The following ILRUN variants were observed in gnomAD, a reference collection of about 807,000 sequenced individuals.
The protein encoded by ILRUN is protein ILRUN.
In ILRUN, 3 loss-of-function variants were observed where a neutral mutation model predicts 33.8. The observed-to-expected ratio is 0.09, with a 90% CI of 0.04 to 0.23. The LOEUF is 0.23. Ranked by LOEUF, ILRUN falls within the 10% of genes least tolerant of loss-of-function variation. The pLI is 1.00. For missense variants in ILRUN, 210 were observed against 375.1 expected (o/e 0.56, Z 3.64); for synonymous variants, 124 against 138.9 (o/e 0.89, Z 0.75).
chr6:34,637,119 A>C (rs2127352910), intron 3 of ILRUN, among the ~76,000 whole-genome samples: 1 of 152,260 alleles, frequency 6.6e-6, no homozygotes, highest in Middle Eastern at 3.4e-3. Context: ...AATTACTGTC[A>C]CTTCAGAACT....
intron 1 of ILRUN, among the ~76,000 whole-genome samples, chr6:34,686,073 A>G (rs1393130806): frequency 6.6e-6 from 1 of 152,216 alleles, no homozygotes; most frequent in African/African-American, 2.4e-5. Flanking sequence ...AAAAGAATTG[A>G]TATGGACCTC....
intron 3 of ILRUN, chr6:34,617,174 A>C (rs2744968): frequency 0.23 from 111,957 of 495,398 alleles, 13,212 homozygotes; most frequent in East Asian, 0.31. Context: ...AGTGGAATGA[A>C]GAAAAAACTA....
intron 3 of ILRUN, among the ~76,000 whole-genome samples, chr6:34,611,950 A>G (rs777595681): frequency 2.6e-5 from 4 of 152,186 alleles, no homozygotes; most frequent in Non-Finnish European, 4.4e-5. Context: ...ATCTTTACCC[A>G]CAGGTCTTTG....
At chr6:34,626,568 A>C (rs1197053410) in intron 3 of ILRUN, among the ~76,000 whole-genome samples, 2 of 152,218 alleles carry the variant, frequency 1.3e-5, no homozygotes, top group East Asian at 3.8e-4. Context: ...AACATACTGC[A>C]CCACAGTGGT....
chr6:34,634,213 AG>A (rs1161554481), intron 3 of ILRUN, among the ~76,000 whole-genome samples: 2 of 152,354 alleles, frequency 1.3e-5, no homozygotes, highest in East Asian at 3.9e-4. Context: ...TAGGTCAAAC[AG>A]GAAGTCTCAA....
At chr6:34,662,443 G>A (rs985815719) in intron 1 of ILRUN, among the ~76,000 whole-genome samples, 2 of 152,152 alleles carry the variant, frequency 1.3e-5, no homozygotes, top group Non-Finnish European at 2.9e-5. Flanking sequence ...AAGAATATGC[G>A]TGTTCAGAGC....
At chr6:34,695,320 C>T (rs1763740693) in intron 1 of ILRUN, among the ~76,000 whole-genome samples, 1 of 152,206 alleles carries the variant, frequency 6.6e-6, no homozygotes, top group African/African-American at 2.4e-5. Context: ...AACCTTTTGC[C>T]TTTTGCCCAA....
At chr6:34,590,666 T>G in intron 4 of ILRUN, 66 bp from the exon 5 acceptor site, 1 of 1,163,210 alleles carries the variant, frequency 8.6e-7, no homozygotes, top group Non-Finnish European at 1.3e-6. Context: ...CCAAACCAAG[T>G]GCAAGATCTA....
chr6:34,665,352 T>C (rs1167375689), intron 1 of ILRUN, among the ~76,000 whole-genome samples: 2 of 149,608 alleles, frequency 1.3e-5, no homozygotes, highest in Non-Finnish European at 3.0e-5. Context: ...TAGTCCCAGC[T>C]ACTCGGAAGG....
chr6:34,612,878 T>C (rs993677057), intron 3 of ILRUN, among the ~76,000 whole-genome samples: 1 of 151,898 alleles, frequency 6.6e-6, no homozygotes, highest in African/African-American at 2.4e-5. Context: ...CCATCTCTAC[T>C]AAAAATACAA....
chr6:34,663,189 A>C (rs1762923878), intron 1 of ILRUN, among the ~76,000 whole-genome samples: 1 of 152,230 alleles, frequency 6.6e-6, no homozygotes, highest in Non-Finnish European at 1.5e-5. Context: ...TGGGTGGCTG[A>C]GGCAAGAGGA....
At position 34,666,630 on chromosome 6, in the gene ILRUN, T is replaced by G. The variant is rs144894442; in HGVS notation, c.159-11851A>C. Among the ~76,000 whole-genome samples, 401 of 152,310 alleles carry G rather than the reference T, an allele frequency of 2.6e-3. 2 individuals carry two copies. The highest frequency in any genetic ancestry group is 7.3e-3 in the Admixed American group (111 of 15,300). ...AACTAGATGGAACTTGGAAAAAGAA[T>G]AAAAACAAATTTTATGATAATTCAC... On this transcript the variant is annotated intron_variant, in intron 1 of 4. Transcript: ENST00000374023.
chr6:34,683,225 G>A (rs1208984601), intron 1 of ILRUN, among the ~76,000 whole-genome samples: 3 of 150,896 alleles, frequency 2.0e-5, no homozygotes. Flanking sequence ...GCCTATCCAA[G>A]TACCTTGACA....
At chr6:34,628,500 T>C (rs1582059211) in intron 3 of ILRUN, among the ~76,000 whole-genome samples, 1 of 151,784 alleles carries the variant, frequency 6.6e-6, no homozygotes, top group Non-Finnish European at 1.5e-5. Context: ...GCCTGGCTAA[T>C]TTTTTGTAAT....
chr6:34,608,260 G>A (rs746962878), intron 3 of ILRUN, among the ~76,000 whole-genome samples: 1 of 151,816 alleles, frequency 6.6e-6, no homozygotes, highest in South Asian at 2.1e-4. Flanking sequence ...TGGGCATAGT[G>A]GCGGGTGCCT....
At chr6:34,603,038 A>G (rs1407895349) in intron 4 of ILRUN, among the ~76,000 whole-genome samples, 1 of 152,202 alleles carries the variant, frequency 6.6e-6, no homozygotes, top group African/African-American at 2.4e-5. Context: ...GTTAAACTGT[A>G]ACTATGGAGG....
intron 4 of ILRUN, among the ~76,000 whole-genome samples, chr6:34,600,997 T>TC (rs1761495841): frequency 6.6e-6 from 1 of 152,176 alleles, no homozygotes. Context: ...CCAGTCTCAG[T>TC]AACTGTAAAG....
chr6:34,601,707 C>CA (rs1032998240), intron 4 of ILRUN, among the ~76,000 whole-genome samples: 1 of 151,518 alleles, frequency 6.6e-6, no homozygotes, highest in African/African-American at 2.4e-5. Context: ...CAGTACCCGC[C>CA]CCCCCAACTA....
chr6:34,681,051 TA>T (rs951608223), intron 1 of ILRUN, among the ~76,000 whole-genome samples: 158 of 148,154 alleles, frequency 1.1e-3, no homozygotes, highest in African/African-American at 3.2e-3. Context: ...TCAAAGGGTT[TA>T]AAAAAAAAAG....
Sources: allele counts gnomAD v4.1 joint callset (sites outside exome capture counted in the v4.1 genomes callset), GRCh38; gene constraint gnomAD v4.1.1; transcripts MANE v1.5; gene names NCBI Gene and HGNC (gene_info 2026-07-23, HGNC 2026-07-21).